CDC14A: variants seen among roughly 807,000 people sequenced by gnomAD.
CDC14A encodes cell division cycle 14A.
Under a neutral mutation model 74.4 loss-of-function variants are expected in CDC14A, and 53 were observed. The ratio of observed to expected loss-of-function variants is 0.71; its 90% CI spans 0.57 to 0.89. The LOEUF is 0.89. Among genes scored for constraint, CDC14A ranks in the 40% least tolerant of loss-of-function variants. The pLI, the probability that CDC14A is intolerant of heterozygous loss-of-function variation, is 0.00. For missense variants in CDC14A, 646 were observed against 713.7 expected (o/e 0.91, Z 1.08); for synonymous variants, 247 against 258.4 (o/e 0.96, Z 0.43).
intron 4 of CDC14A, chr1:100,391,194 C>A (rs747317702): frequency 7.7e-6 from 2 of 258,706 alleles, no homozygotes; most frequent in Non-Finnish European, 1.5e-5. Flanking sequence ...AAAGACTTGA[C>A]GTGTTCGTTT....
Position 100,455,391 on chromosome 1 carries a change from C to A in CDC14A, c.520-14C>A, listed in dbSNP as rs759358081. On this transcript the variant is annotated splice_polypyrimidine_tract_variant and intron_variant, in intron 7 of 15. Coordinates refer to ENST00000336454, the MANE Select transcript of CDC14A (RefSeq NM_003672.4). ...AAAATATTTTTCTTCTCTTTTCTTA[C>A]AAAATTCTGCCAGCGAGTTGAAAAT... is the stretch of plus-strand genomic sequence containing the variant. 1.9e-6 allele frequency: 3 copies of A among 1,568,378 alleles called. No individual in the cohort carries two copies. The highest frequency in any genetic ancestry group is 2.4e-5 in the South Asian group (2 of 85,054).
At chr1:100,352,200 G>A (rs1390625319), upstream of CDC14A, among the ~76,000 whole-genome samples, 2 of 152,172 alleles carry the variant, frequency 1.3e-5, no homozygotes, top group South Asian at 2.1e-4. Context: ...CAACCCCGCC[G>A]TTTCATTCAT....
chr1:100,429,792 G>T (rs919861157), intron 5 of CDC14A, among the ~76,000 whole-genome samples: 1 of 148,308 alleles, frequency 6.7e-6, no homozygotes, highest in African/African-American at 2.5e-5. Flanking sequence ...TATATATCAA[G>T]TAAATTTAAA....
intron 5 of CDC14A, among the ~76,000 whole-genome samples, chr1:100,428,319 G>A (rs890556277): frequency 6.6e-6 from 1 of 152,126 alleles, no homozygotes; most frequent in Non-Finnish European, 1.5e-5. Flanking sequence ...GTCAAAAACT[G>A]TATTCACTTT....
chr1:100,518,138 GTTTA>G, intron 15 of CDC14A, 109 bp from the exon 16 acceptor site: 3 of 736,644 alleles, frequency 4.1e-6, no homozygotes, highest in Non-Finnish European at 7.0e-6. Flanking sequence ...TTTTGGCTTA[GTTTA>G]TTTCATTGAT....
At chr1:100,503,854 C>T (rs1648997111) in intron 15 of CDC14A, among the ~76,000 whole-genome samples, 1 of 152,184 alleles carries the variant, frequency 6.6e-6, no homozygotes, top group South Asian at 2.1e-4. Flanking sequence ...TGGTATCTGT[C>T]TTGAATATTT....
intron 4 of CDC14A, among the ~76,000 whole-genome samples, chr1:100,406,865 G>T (rs1285756030): frequency 6.6e-6 from 1 of 151,764 alleles, no homozygotes; most frequent in Non-Finnish European, 1.5e-5. Context: ...GGTGGAGGCT[G>T]CAGTGAGCTG....
Position 100,439,974 on chromosome 1 carries a change from C to A in CDC14A, c.432C>A (p.Leu144=). 1.2e-6 allele frequency: 2 copies of A among 1,613,172 alleles called. No homozygotes were observed. Among genetic ancestry groups the A allele is most frequent in the South Asian group, 2.2e-5 (2 of 91,028 alleles). Residue 144 remains leucine (L), a synonymous_variant, in exon 6 of 16, where the codon CTC becomes CTA. Transcript: ENST00000336454. ...FGNCTYNLTI[L]DCLQGIRKGL... is the part of the protein sequence containing the mutation. ...ATTGCACTTACAATCTCACCATTCT[C>A]GACTGTTTGCAGGGAATCAGAAAGG...
intron 1 of CDC14A, among the ~76,000 whole-genome samples, chr1:100,345,405 G>A (rs1184294252): frequency 1.3e-5 from 2 of 152,068 alleles, no homozygotes; most frequent in East Asian, 3.9e-4. Flanking sequence ...TAGCATCTCA[G>A]CATGACACTC....
intron 11 of CDC14A, among the ~76,000 whole-genome samples, chr1:100,485,613 G>A (rs1477910652): frequency 2.0e-5 from 3 of 152,066 alleles, no homozygotes; most frequent in Non-Finnish European, 4.4e-5. Context: ...AGCAACAAGT[G>A]TAGATTTACA....
intron 11 of CDC14A, chr1:100,484,900 TAAAC>T (rs1364591202): frequency 9.7e-5 from 95 of 979,022 alleles, no homozygotes; most frequent in Non-Finnish European, 6.6e-5. Context: ...GGCTCTACTG[TAAAC>T]AAACCACGGT....
upstream of CDC14A, chr1:100,351,728 G>T: frequency 1.3e-6 from 2 of 1,549,656 alleles, no homozygotes; most frequent in Non-Finnish European, 1.7e-6. Flanking sequence ...TCACATTGGC[G>T]GCCCAGATGA....
intron 4 of CDC14A, among the ~76,000 whole-genome samples, chr1:100,409,878 A>C (rs1357650325): frequency 2.6e-5 from 4 of 152,190 alleles, no homozygotes; most frequent in Non-Finnish European, 1.5e-5. Context: ...CATCAGTTTG[A>C]ATGTGGTAAA....
chr1:100,394,661 C>G (rs1319355914), intron 4 of CDC14A, among the ~76,000 whole-genome samples: 1 of 152,206 alleles, frequency 6.6e-6, no homozygotes, highest in Non-Finnish European at 1.5e-5. Context: ...GTCTTACACA[C>G]TAGTTACAGT....
At position 100,377,615 on chromosome 1, in the gene CDC14A, A is replaced by G. The variant is rs745539038; in HGVS notation, c.210A>G (p.Lys70=). The stretch of plus-strand genomic sequence containing the variant: ...GATATTGCTGCAAACTAAACAAGAA[A>G]CTAAAAGTGAGTATTGTAGTGATAT... The part of the protein sequence containing the change: ...VYRYCCKLNK[K]LKSYSLSRKK... Residue 70 remains lysine, a synonymous_variant, in exon 3 of 16, where the codon AAA becomes AAG. Coordinates refer to ENST00000336454, the MANE Select transcript of CDC14A (RefSeq NM_003672.4). 51 of 1,609,128 alleles carry G rather than the reference A, an allele frequency of 3.2e-5. No individual in the cohort carries two copies. The highest frequency in any genetic ancestry group is 4.0e-5 in the Non-Finnish European group (47 of 1,175,762).
At chr1:100,400,628 A>G (rs1659128837) in intron 4 of CDC14A, among the ~76,000 whole-genome samples, 1 of 152,142 alleles carries the variant, frequency 6.6e-6, no homozygotes, top group African/African-American at 2.4e-5. Context: ...CCAGTCTTTT[A>G]TCTTTGTAGG....
In CDC14A at chr1:100,352,520, G is replaced by A; in HGVS notation, c.-435G>A. 9.7e-7 allele frequency: 1 copy of A among 1,030,998 alleles called. No individual in the cohort carries two copies. The highest frequency in any genetic ancestry group is 1.2e-6 in the Non-Finnish European group (1 of 859,878). The allele number at this position is 1,030,998 out of a possible 1,614,324, so 63.9% of individuals were successfully genotyped here. A position where few individuals can be genotyped will look rare whatever the true frequency, so the allele number is the denominator to read the frequency against. On this transcript the variant is annotated 5_prime_UTR_variant, in exon 1 of 16. Coordinates refer to ENST00000336454, the MANE Select transcript of CDC14A (RefSeq NM_003672.4). ...GGAGGATCCGGAGCAGCTGCTGCCA[G>A]CCCGCGGGCACTGAAGTCCTCCCGG...
chr1:100,400,342 A>T (rs1279054974), intron 4 of CDC14A, among the ~76,000 whole-genome samples: 1 of 152,244 alleles, frequency 6.6e-6, no homozygotes, highest in Non-Finnish European at 1.5e-5. Flanking sequence ...TTTAAAATGT[A>T]GGTAAAATTA....
At chr1:100,425,242 G>C (rs1327066587) in intron 5 of CDC14A, among the ~76,000 whole-genome samples, 1 of 152,138 alleles carries the variant, frequency 6.6e-6, no homozygotes, top group African/African-American at 2.4e-5. Context: ...ACCTCTGCTA[G>C]AATTGTGAAT....
Sources: gnomAD v4.1 joint callset for allele counts (sites outside exome capture counted in the v4.1 genomes callset) on GRCh38, gnomAD v4.1.1 for gene constraint, MANE v1.5 for transcripts, NCBI Gene and HGNC (gene_info 2026-07-23, HGNC 2026-07-21) for gene names.